UGT1A9: variants seen among roughly 807,000 people sequenced by gnomAD.
UGT1A9 encodes UDP glucuronosyltransferase family 1 member A9.
Under a neutral mutation model 45.0 loss-of-function variants are expected in UGT1A9, and 35 were observed. The observed-to-expected ratio is 0.78, with a 90% confidence interval of 0.59 to 1.03. UGT1A9 has a LOEUF of 1.03. UGT1A9 is among the 50% of genes least tolerant of loss of function. The pLI is 0.00. For missense variants in UGT1A9, 687 were observed against 666.6 expected (o/e 1.03, Z -0.34); for synonymous variants, 278 against 250.6 (o/e 1.11, Z -1.03).
intron 1 of UGT1A9, among the ~76,000 whole-genome samples, chr2:233,731,109 T>G (rs1417583719): frequency 6.6e-6 from 1 of 152,194 alleles, no homozygotes; most frequent in Non-Finnish European, 1.5e-5. Flanking sequence ...TTTTTATAAA[T>G]GTAGGTATTA....
chr2:233,756,019 A>G (rs997763833), intron 1 of UGT1A9: 4 of 152,222 alleles, frequency 2.6e-5, no homozygotes, highest in Admixed American at 2.0e-4. Flanking sequence ...GTGATATTAC[A>G]CATCCCCCAT....
rs1696612775 is a variant in UGT1A9 at position 233,757,546 on chromosome 2, A to ATACATATATATATC, written c.856-9486_856-9485insCATATATATATCTA. The stretch of plus-strand genomic sequence containing the variant: ...TCTTGCCTGTAAGGAATATATATAT[A>ATACATATATATATC]TATATATATATATATGTATATATGA... On this transcript the variant is annotated intron_variant, in intron 1 of 4. Transcript: ENST00000354728. Among the ~76,000 whole-genome samples the ATACATATATATATC allele has an allele frequency of 1.6e-5, 2 of 123,536 alleles. 1 individual carries two copies. The highest frequency in any genetic ancestry group is 3.5e-5 in the Non-Finnish European group (2 of 57,034). 81.0% of individuals were successfully genotyped at this position (123,536 alleles called of 152,430 possible).
chr2:233,699,210 GA>G (rs1003409179), intron 1 of UGT1A9, among the ~76,000 whole-genome samples: 1 of 149,904 alleles, frequency 6.7e-6, no homozygotes, highest in Non-Finnish European at 1.5e-5. Context: ...GCTGTTGCAT[GA>G]AAAAAAAACA....
intron 1 of UGT1A9, among the ~76,000 whole-genome samples, chr2:233,725,530 A>T (rs1438339071): frequency 6.6e-6 from 1 of 152,162 alleles, no homozygotes; most frequent in African/African-American, 2.4e-5. Context: ...TTGTTTAACC[A>T]GACATATCAC....
intron 1 of UGT1A9, among the ~76,000 whole-genome samples, chr2:233,695,331 G>A (rs1032030630): frequency 4.8e-4 from 73 of 151,796 alleles, no homozygotes; most frequent in African/African-American, 1.7e-3. Context: ...TCACCACGTT[G>A]GCCAGGATGG....
intron 1 of UGT1A9, among the ~76,000 whole-genome samples, chr2:233,731,462 C>A (rs1354411631): frequency 6.6e-6 from 1 of 152,008 alleles, no homozygotes; most frequent in Non-Finnish European, 1.5e-5. Flanking sequence ...CAGGCCCTGG[C>A]GTGTGATGTT....
intron 1 of UGT1A9, among the ~76,000 whole-genome samples, chr2:233,685,269 G>A (rs2074731208): frequency 2.0e-5 from 3 of 152,132 alleles, no homozygotes; most frequent in Non-Finnish European, 4.4e-5. Context: ...CTGACCTCAA[G>A]TGATCCGCCC....
At chr2:233,757,559 T>TATATATATACATATAC in intron 1 of UGT1A9, among the ~76,000 whole-genome samples, 4 of 124,406 alleles carry the variant, frequency 3.2e-5, no homozygotes, top group Non-Finnish European at 3.3e-5. Context: ...TATATATATA[T>TATATATATACATATAC]ATGTATATAT....
chr2:233,678,528 C>T (rs1304036415), intron 1 of UGT1A9, among the ~76,000 whole-genome samples: 2 of 152,066 alleles, frequency 1.3e-5, no homozygotes, highest in African/African-American at 4.8e-5. Flanking sequence ...CTGTTTTTTT[C>T]TCTTTGATGT....
In UGT1A9 at chr2:233,678,967, T is replaced by A. The variant is rs371211857; in HGVS notation, c.855+6178T>A. Among the ~76,000 whole-genome samples the A allele has an allele frequency of 1.2e-4, 18 of 152,348 alleles. No homozygotes were observed. The South Asian group carries it at 1.7e-3, about 14-fold the overall frequency. The stretch of plus-strand genomic sequence containing the variant: ...CAGAAGAAATGTACTGTTTGGGGCT[T>A]GGTGGCTTTCAAAGCTCTTTCTATA... On this transcript the variant is annotated intron_variant, in intron 1 of 4. Coordinates refer to ENST00000354728, the MANE Select transcript of UGT1A9 (RefSeq NM_021027.3).
intron 1 of UGT1A9, among the ~76,000 whole-genome samples, chr2:233,694,899 T>G (rs2075247307): frequency 6.6e-6 from 1 of 152,242 alleles, no homozygotes; most frequent in Non-Finnish European, 1.5e-5. Context: ...TGTGATATTT[T>G]GATACACGTA....
chr2:233,754,773 G>A (rs1178551708), intron 1 of UGT1A9: 7 of 1,057,998 alleles, frequency 6.6e-6, no homozygotes, highest in Non-Finnish European at 9.2e-6. Context: ...ACTTCCCAGG[G>A]AGCCAAAGGA....
rs116287140 is a variant in UGT1A9, at chr2:233,728,043, T to C, written c.856-38991T>C. 7.7e-3 allele frequency among the ~76,000 whole-genome samples: 1,172 copies of C among 152,330 alleles called. 16 individuals are homozygous for C. The highest frequency in any genetic ancestry group is 0.027 in the African/African-American group (1,131 of 41,566). On this transcript the variant is annotated intron_variant, in intron 1 of 4. Transcript: ENST00000354728. ...GTGACTTTCTGGAGTAGGATAAGCC[T>C]CATTGGGCTTGAGGCCCTTGTGAGT...
chr2:233,672,109 A>C lies in UGT1A9; in HGVS notation c.175A>C (p.Met59Leu), dbSNP rs199829358. The C allele has an allele frequency of 1.2e-4, 199 of 1,614,054 alleles. No individual in the cohort carries two copies. The highest frequency in any genetic ancestry group is 1.6e-4 in the South Asian group (15 of 91,088). Residue 59 changes from methionine (M) to leucine (L), a missense_variant, in exon 1 of 5, where the codon ATG becomes CTG. Met to Leu is a conservative substitution (Grantham distance 15). Transcript: ENST00000354728. ...ILRGHEVVVV[M>L]PEVSWQLGRS... ...CAGGGGGCATGAGGTGGTTGTAGTC[A>C]TGCCAGAGGTGAGTTGGCAACTGGG...
chr2:233,696,771 T>C (rs2075358404), intron 1 of UGT1A9, among the ~76,000 whole-genome samples: 1 of 152,200 alleles, frequency 6.6e-6, no homozygotes, highest in South Asian at 2.1e-4. Flanking sequence ...TTATCATATA[T>C]GGATTTTATT....
chr2:233,758,658 T>A lies in UGT1A9; in HGVS notation c.856-8376T>A, dbSNP rs188603135. 5.3e-5 allele frequency among the ~76,000 whole-genome samples: 8 copies of A among 152,318 alleles called. No individual in the cohort carries two copies. In the East Asian group the frequency reaches 1.5e-3, roughly 29 times the overall value. ...TAAGGAGAAGAATGAGAGGGTACCCTAATTACCTGTTAATATGTCCCATAG... is the reference window on the plus strand; with the variant it reads ...TAAGGAGAAGAATGAGAGGGTACCCAAATTACCTGTTAATATGTCCCATAG... On this transcript the variant is annotated intron_variant, in intron 1 of 4. Coordinates refer to ENST00000354728, the MANE Select transcript of UGT1A9 (RefSeq NM_021027.3).
rs147487099 is a variant in UGT1A9, at chr2:233,689,635, G to T, written c.855+16846G>T. Among the ~76,000 whole-genome samples, 661 of 152,290 alleles carry T rather than the reference G, an allele frequency of 4.3e-3. 6 individuals are homozygous for T. Among genetic ancestry groups the T allele is most frequent in the African/African-American group, 0.015 (631 of 41,558 alleles). ...TCGGGGTTAGCAGAAAAGAATGTTT[G>T]CTCTTGCTCATGAGTGTGACTTCCT... On this transcript the variant is annotated intron_variant, in intron 1 of 4. Transcript: ENST00000354728.
At chr2:233,755,096 G>T (rs62191920) in intron 1 of UGT1A9, 3 of 1,334,468 alleles carry the variant, frequency 2.2e-6, no homozygotes, top group Non-Finnish European at 3.0e-6. Context: ...GTTTCTACGC[G>T]TCCGACAACA....
At chr2:233,682,006 C>T in intron 1 of UGT1A9, 8 of 1,614,136 alleles carry the variant, frequency 5.0e-6, no homozygotes, top group Non-Finnish European at 6.8e-6. Flanking sequence ...GTGGCTTTGC[C>T]AAGGCAGGGA....
Sources: allele counts gnomAD v4.1 joint callset (sites outside exome capture counted in the v4.1 genomes callset), GRCh38; gene constraint gnomAD v4.1.1; transcripts MANE v1.5; gene names NCBI Gene and HGNC (gene_info 2026-07-23, HGNC 2026-07-21).